AVIL: variants seen among roughly 807,000 people sequenced by gnomAD.
The protein encoded by AVIL is advillin.
AVIL carries 78 observed loss-of-function variants against 109.9 expected under a neutral mutation model. The ratio of observed to expected loss-of-function variants is 0.71; its 90% confidence interval spans 0.59 to 0.86. The LOEUF is 0.86. Among genes scored for constraint, AVIL ranks in the 40% least tolerant of loss-of-function variants. The probability of loss-of-function intolerance (pLI) is 0.00; values close to 1 mark genes in which losing one functional copy is unlikely to be tolerated. For synonymous variants in AVIL, 367 were observed against 379.1 expected, an observed-to-expected ratio of 0.97 and a Z score of 0.37; for missense variants, 892 against 1,016.5, an observed-to-expected ratio of 0.88 and a Z score of 1.67.
At chr12:57,813,526 G>T in intron 3 of AVIL, 103 bp from the exon 4 acceptor site, 1 of 1,145,552 alleles carries the variant, frequency 8.7e-7, no homozygotes, top group East Asian at 2.4e-5. Context: ...GCCCTTGGCA[G>T]ACTGAGGGCC....
chr12:57,809,487 G>A (rs759548163), intron 9 of AVIL, 110 bp downstream of exon 9: 33 of 1,284,664 alleles, frequency 2.6e-5, no homozygotes, highest in South Asian at 1.4e-4. Flanking sequence ...GTCCATGTAC[G>A]TAAGCACAAT....
intron 4 of AVIL, among the ~76,000 whole-genome samples, chr12:57,812,912 A>G (rs1956055323): frequency 6.6e-6 from 1 of 152,168 alleles, no homozygotes; most frequent in African/African-American, 2.4e-5. Flanking sequence ...ATGTGCCCTT[A>G]TGGACCTGGA....
intron 4 of AVIL, among the ~76,000 whole-genome samples, chr12:57,812,266 T>G (rs1956047515): frequency 6.6e-6 from 1 of 152,258 alleles, no homozygotes; most frequent in Non-Finnish European, 1.5e-5. Context: ...ACTCTTGGGC[T>G]CAAGCTATCC....
intron 17 of AVIL, chr12:57,801,429 C>G: frequency 2.5e-6 from 1 of 402,434 alleles, no homozygotes; most frequent in Non-Finnish European, 4.6e-6. Flanking sequence ...CTCAGTCCTC[C>G]CAATAAGATT....
At chr12:57,817,866 C>T (rs11172348) in intron 1 of AVIL, among the ~76,000 whole-genome samples, 3,973 of 152,312 alleles carry the variant, frequency 0.026, 180 homozygotes, top group African/African-American at 0.092. Context: ...CTGGGTCTCT[C>T]CTTCTCCCTA....
chr12:57,801,159 G>T lies in AVIL; in HGVS notation c.2205C>A (p.Ile735=), dbSNP rs1196930545. The change falls in exon 18 of 20, where the codon ATC becomes ATA. Residue 735 remains isoleucine (I), a synonymous_variant. Coordinates refer to ENST00000549994, the MANE Select transcript of AVIL (RefSeq NM_006576.4). ...CCCGACTCACAGCAGTGATTCGCAT[G>T]ATAGCAGCAGCATCTCCCAGCTCTT... ...LKEELGDAAA[I]MRITADMKNA... 2 of 1,613,696 alleles carry T rather than the reference G, an allele frequency of 1.2e-6. No individual in the cohort carries two copies. The highest frequency in any genetic ancestry group is 2.2e-5 in the South Asian group (2 of 91,060).
At chr12:57,802,453 A>G in intron 16 of AVIL, 105 bp from the exon 17 acceptor site, 3 of 1,353,412 alleles carry the variant, frequency 2.2e-6, no homozygotes, top group Non-Finnish European at 3.1e-6. Flanking sequence ...TGAGCAATTC[A>G]CAGCCTCAGA....
intron 1 of AVIL, 72 bp downstream of exon 1, chr12:57,818,556 AG>A (rs1956124383): frequency 6.6e-6 from 1 of 152,172 alleles, no homozygotes; most frequent in South Asian, 2.1e-4. Flanking sequence ...GGGACTCTCA[AG>A]CTCCTCTTCC....
At chr12:57,814,338 T>G in intron 2 of AVIL, 112 bp from the exon 3 acceptor site, 1 of 1,063,080 alleles carries the variant, frequency 9.4e-7, no homozygotes, top group Non-Finnish European at 1.4e-6. Flanking sequence ...GGAGGGGAGA[T>G]GTTCTCAATG....
At chr12:57,803,835 G>T in intron 14 of AVIL, 166 bp from the exon 15 acceptor site, 1 of 931,584 alleles carries the variant, frequency 1.1e-6, no homozygotes, top group Non-Finnish European at 1.6e-6. Context: ...GGGGAGTGGG[G>T]AGGAAAACAG....
intron 14 of AVIL, among the ~76,000 whole-genome samples, chr12:57,805,000 T>A (rs1345488368): frequency 6.6e-6 from 1 of 152,202 alleles, no homozygotes. Flanking sequence ...TGCATCTCCC[T>A]AGTGACTAAT....
chr12:57,809,722 T>G (rs1449064111), intron 8 of AVIL, 27 bp from the exon 9 acceptor site: 3 of 1,613,858 alleles, frequency 1.9e-6, no homozygotes, highest in African/African-American at 2.7e-5. Flanking sequence ...TAGGTATGGT[T>G]GCTCAAGACC....
chr12:57,816,022 A>G lies in AVIL; in HGVS notation c.19T>C (p.Phe7Leu). The G allele has an allele frequency of 6.2e-7, 1 of 1,614,112 alleles. No homozygotes were observed. ...CCAGGGTCGTTGTCCACAGCCCTGA[A>G]GGCACTGGTCAGAGGCATGATGCTT... MPLTSAFRAVDNDPGII... is the reference protein window; with the variant it reads MPLTSALRAVDNDPGII... The change falls in exon 2 of 20, where the codon TTC (phenylalanine) becomes CTC (leucine). Residue 7 changes from phenylalanine to leucine, a missense_variant. Phe to Leu is a conservative substitution (Grantham distance 22). Transcript: ENST00000549994.
At chr12:57,798,593 G>A (rs987453588) in intron 19 of AVIL, among the ~76,000 whole-genome samples, 1 of 151,734 alleles carries the variant, frequency 6.6e-6, no homozygotes, top group Non-Finnish European at 1.5e-5. Context: ...CTTCTTCAAG[G>A]GGAAAAGAAA....
At chr12:57,801,633 G>C (rs1048480463) in intron 17 of AVIL, among the ~76,000 whole-genome samples, 3 of 152,148 alleles carry the variant, frequency 2.0e-5, no homozygotes, top group Admixed American at 6.5e-5. Flanking sequence ...CCAGCTACTT[G>C]GGAGGCTGAG....
At chr12:57,804,366 C>T (rs993697942) in intron 14 of AVIL, 1 of 152,122 alleles carries the variant, frequency 6.6e-6, no homozygotes, top group African/African-American at 2.4e-5. Context: ...GTTTGTTTAT[C>T]CATTTTCCAG....
At chr12:57,805,140 C>T (rs1346703188) in intron 14 of AVIL, among the ~76,000 whole-genome samples, 1 of 152,126 alleles carries the variant, frequency 6.6e-6, no homozygotes, top group Non-Finnish European at 1.5e-5. Context: ...ACTGCAACCT[C>T]CACCTGCCAG....
Position 57,806,412 on chromosome 12 carries a change from T to C in AVIL, c.1619A>G (p.Asn540Ser), listed in dbSNP as rs1595165826. Residue 540 changes from asparagine to serine, a missense_variant, in exon 14 of 20, where the codon AAT becomes AGT. Coordinates refer to ENST00000549994, the MANE Select transcript of AVIL (RefSeq NM_006576.4). The stretch of plus-strand genomic sequence containing the variant: ...CTGAGTTCGCAGCAGAAAGACATCA[T>C]TGGAGTTTAGGGAGGAGGCAAAGGC... Reference protein sequence around the residue: ...VPAFASSLNSNDVFLLRTQAE... With the variant: ...VPAFASSLNSSDVFLLRTQAE... The C allele has an allele frequency of 1.2e-6, 2 of 1,613,954 alleles. No individual in the cohort carries two copies. The highest frequency in any genetic ancestry group is 1.1e-5 in the South Asian group (1 of 91,070).
Position 57,807,494 on chromosome 12 carries a change from A to C in AVIL, c.1333-5T>G, listed in dbSNP as rs1381566467. ...ATCCTGTGAGGCGTGGCGGCCCTGC[A>C]ATGGTGAGAGGCCATGAAGGACCCA... On this transcript the variant is annotated splice_polypyrimidine_tract_variant and splice_region_variant and intron_variant, in intron 12 of 19. Coordinates refer to ENST00000549994, the MANE Select transcript of AVIL (RefSeq NM_006576.4). 1.2e-5 allele frequency: 20 copies of C among 1,614,132 alleles called. No homozygotes were observed. Among genetic ancestry groups the C allele is most frequent in the Non-Finnish European group, 1.7e-5 (20 of 1,180,050 alleles).
Sources: gnomAD v4.1 joint callset for allele counts (sites outside exome capture counted in the v4.1 genomes callset) on GRCh38, gnomAD v4.1.1 for gene constraint, MANE v1.5 for transcripts, NCBI Gene and HGNC (gene_info 2026-07-23, HGNC 2026-07-21) for gene names.